The following SLC14A2 variants were observed in gnomAD, a reference collection of about 807,000 sequenced individuals.
SLC14A2 encodes the protein solute carrier family 14 member 2, also known as urea transporter 2.
Under a neutral mutation model 104.6 loss-of-function variants are expected in SLC14A2, and 91 were observed. That is an observed-to-expected ratio of 0.87 (90% CI 0.73 to 1.04). The LOEUF (loss-of-function observed/expected upper bound fraction) is 1.04, where lower values mean the gene tolerates loss of function less well. SLC14A2 is among the 50% of genes least tolerant of loss of function. SLC14A2 has a pLI of 0.00. For missense variants in SLC14A2, 1,189 were observed against 1,156.0 expected (o/e 1.03, Z -0.41); for synonymous variants, 476 against 466.4 (o/e 1.02, Z -0.27).
the SLC14A2 span, chr18:45,180,857 A>G: frequency 1.3e-5 from 2 of 152,194 alleles, no homozygotes; most frequent in South Asian, 4.1e-4. Flanking sequence ...GCAAAATAAG[A>G]AAATAAAAAA....
At chr18:45,544,557 A>C (rs1598986400) in intron 2 of SLC14A2, among the ~76,000 whole-genome samples, 1 of 152,262 alleles carries the variant, frequency 6.6e-6, no homozygotes, top group African/African-American at 2.4e-5. Flanking sequence ...TATTTTAAAC[A>C]TTTAGAAAAT....
At chr18:45,215,113 T>C (rs1324913143) in intron 1 of SLC14A2, among the ~76,000 whole-genome samples, 2 of 152,166 alleles carry the variant, frequency 1.3e-5, no homozygotes, top group Non-Finnish European at 2.9e-5. Flanking sequence ...AGACTCTCTT[T>C]ATGGGTTACT....
At chr18:45,339,896 T>C (rs569654848) in intron 1 of SLC14A2, among the ~76,000 whole-genome samples, 1 of 152,338 alleles carries the variant, frequency 6.6e-6, no homozygotes, top group Admixed American at 6.5e-5. Flanking sequence ...ACTGGTACTG[T>C]CCTAGGAAAA....
intron 1 of SLC14A2, among the ~76,000 whole-genome samples, chr18:45,622,473 C>T (rs1329885186): frequency 6.6e-6 from 1 of 152,082 alleles, no homozygotes; most frequent in East Asian, 1.9e-4. Context: ...GTAAAGTAGA[C>T]AACTAAATCT....
At chr18:45,326,987 TATCA>T (rs994526076) in intron 1 of SLC14A2, among the ~76,000 whole-genome samples, 4 of 152,274 alleles carry the variant, frequency 2.6e-5, no homozygotes, top group East Asian at 1.9e-4. Context: ...TATCTCTATA[TATCA>T]ATCAATCAAT....
At chr18:45,228,244 TG>T (rs2084139045) in intron 1 of SLC14A2, among the ~76,000 whole-genome samples, 1 of 152,184 alleles carries the variant, frequency 6.6e-6, no homozygotes, top group Non-Finnish European at 1.5e-5. Context: ...TTAAGGTCAT[TG>T]GAAAAGAATA....
At chr18:45,361,285 A>G (rs6507610) in intron 1 of SLC14A2, among the ~76,000 whole-genome samples, 68,487 of 152,060 alleles carry the variant, frequency 0.45, 18,083 homozygotes, top group African/African-American at 0.74. Flanking sequence ...ACAGGACAGA[A>G]TGCAGTGTTT....
chr18:45,323,006 C>A (rs1386269153), intron 1 of SLC14A2, among the ~76,000 whole-genome samples: 2 of 152,186 alleles, frequency 1.3e-5, no homozygotes, highest in Admixed American at 1.3e-4. Flanking sequence ...TTCTTTTCGT[C>A]CTGTTTGATG....
chr18:45,535,937 G>A (rs1015255274), intron 2 of SLC14A2, among the ~76,000 whole-genome samples: 3 of 152,126 alleles, frequency 2.0e-5, no homozygotes, highest in African/African-American at 4.8e-5. Context: ...GAACAACATG[G>A]CAATGAATGA....
intron 1 of SLC14A2, among the ~76,000 whole-genome samples, chr18:45,260,873 A>T (rs1488986361): frequency 6.6e-6 from 1 of 152,134 alleles, no homozygotes; most frequent in East Asian, 1.9e-4. Flanking sequence ...GGGCTAAAAA[A>T]CTATGCATTG....
intron 2 of SLC14A2, among the ~76,000 whole-genome samples, chr18:45,521,409 CA>C (rs1417302073): frequency 6.6e-6 from 1 of 152,082 alleles, no homozygotes; most frequent in African/African-American, 2.4e-5. Flanking sequence ...TCACACAAGA[CA>C]GACACTCAGT....
Position 45,682,305 on chromosome 18 carries a change from T to C in SLC14A2, c.2563-14T>C, listed in dbSNP as rs1186450380. On this transcript the variant is annotated splice_polypyrimidine_tract_variant and intron_variant, in intron 19 of 19. Transcript: ENST00000255226. ...CTGATGTGACCAAGGCTTATCTGTG[T>C]TCTTTCTCTCCAGTTTGGATTGCCG... The C allele has an allele frequency of 9.9e-6, 16 of 1,613,530 alleles. No individual in the cohort carries two copies. The highest frequency in any genetic ancestry group is 1.3e-5 in the Non-Finnish European group (15 of 1,179,440).
At chr18:45,470,994 G>T (rs2087237911) in intron 1 of SLC14A2, among the ~76,000 whole-genome samples, 1 of 151,902 alleles carries the variant, frequency 6.6e-6, no homozygotes, top group Non-Finnish European at 1.5e-5. Flanking sequence ...GTTTGTGTGT[G>T]TGTGTGTGTT....
In SLC14A2 at chr18:45,624,638, A is replaced by G; in HGVS notation, c.-27A>G. 6.2e-7 allele frequency: 1 copy of G among 1,601,110 alleles called. No individual in the cohort carries two copies. Among genetic ancestry groups the G allele is most frequent in the Non-Finnish European group, 8.5e-7 (1 of 1,172,888 alleles). Reference sequence around the variant, plus strand: ...CCCTTTCCTTCCGTCTAGTCCATCGATAGAAGAGTGGCTGTGACCCGAAGG... The same window carrying G: ...CCCTTTCCTTCCGTCTAGTCCATCGGTAGAAGAGTGGCTGTGACCCGAAGG... On this transcript the variant is annotated 5_prime_UTR_variant, in exon 2 of 20. Coordinates refer to ENST00000255226, the MANE Select transcript of SLC14A2 (RefSeq NM_007163.4).
chr18:45,669,677 G>A (rs911478261), intron 16 of SLC14A2, among the ~76,000 whole-genome samples, 179 bp downstream of exon 16: 33 of 152,158 alleles, frequency 2.2e-4, no homozygotes, highest in African/African-American at 6.0e-4. Flanking sequence ...AGCAAAAAGG[G>A]CTAGTTTTGG....
intron 1 of SLC14A2, among the ~76,000 whole-genome samples, chr18:45,372,615 G>T (rs1273401233): frequency 6.6e-6 from 1 of 152,130 alleles, no homozygotes; most frequent in African/African-American, 2.4e-5. Context: ...ATCAACTGGG[G>T]TAATGTCAAC....
chr18:45,542,835 T>C (rs1182819206), intron 2 of SLC14A2, among the ~76,000 whole-genome samples: 1 of 152,040 alleles, frequency 6.6e-6, no homozygotes, highest in Non-Finnish European at 1.5e-5. Flanking sequence ...CCTCAAGGAG[T>C]TGGATGTGGC....
At chr18:45,612,487 T>A (rs1157536337), upstream of SLC14A2, among the ~76,000 whole-genome samples, 4 of 152,250 alleles carry the variant, frequency 2.6e-5, no homozygotes, top group East Asian at 5.8e-4. Context: ...AGCATAAGCA[T>A]GAACAATTAA....
At chr18:45,319,936 A>G (rs1016794374) in intron 1 of SLC14A2, among the ~76,000 whole-genome samples, 7 of 152,226 alleles carry the variant, frequency 4.6e-5, no homozygotes, top group Non-Finnish European at 2.9e-5. Flanking sequence ...GAGAAGATAA[A>G]TATAGTGTAT....
Sources: allele counts gnomAD v4.1 joint callset (sites outside exome capture counted in the v4.1 genomes callset), GRCh38; gene constraint gnomAD v4.1.1; transcripts MANE v1.5; gene names NCBI Gene and HGNC (gene_info 2026-07-23, HGNC 2026-07-21).